The following DONSON variants were observed in gnomAD, a reference collection of about 807,000 sequenced individuals.
The protein encoded by DONSON is protein downstream neighbor of Son.
Under a neutral mutation model 62.1 loss-of-function variants are expected in DONSON, and 43 were observed. That is an observed-to-expected ratio of 0.69 (90% CI 0.54 to 0.89). The LOEUF is 0.89. Among genes scored for constraint, DONSON ranks in the 40% least tolerant of loss-of-function variants. DONSON has a pLI of 0.00. For missense variants in DONSON, 696 were observed against 697.5 expected (o/e 1.00, Z 0.03); for synonymous variants, 266 against 264.6 (o/e 1.01, Z -0.05).
rs1362012092 is a variant in DONSON, at chr21:33,581,293, T to G, written c.1350+9A>C. On this transcript the variant is annotated intron_variant, in intron 8 of 9. Transcript: ENST00000303071. ...TTCTTAAAAGCTAGGTTATGCAGACTTTTATTACCTTAAGCATTTGCATTG... is the reference window on the plus strand; with the variant it reads ...TTCTTAAAAGCTAGGTTATGCAGACGTTTATTACCTTAAGCATTTGCATTG... 6.2e-7 allele frequency: 1 copy of G among 1,613,368 alleles called. No individual in the cohort carries two copies. Among genetic ancestry groups the G allele is most frequent in the Non-Finnish European group, 8.5e-7 (1 of 1,179,608 alleles).
At chr21:33,578,468 A>G in intron 9 of DONSON, 24 bp from the exon 10 acceptor site, 1 of 1,596,232 alleles carries the variant, frequency 6.3e-7, no homozygotes, top group African/African-American at 1.3e-5. Context: ...TGTACAAGTC[A>G]GTAAAAAGCA....
At chr21:33,588,263 G>A (rs1601319962) in intron 1 of DONSON, 58 bp downstream of exon 1, 12 of 1,188,104 alleles carry the variant, frequency 1.0e-5, no homozygotes, top group Non-Finnish European at 1.3e-5. Flanking sequence ...CCCATTCACA[G>A]CTGGCTCAAC....
rs71194853 is a variant in DONSON at position 33,577,604 on chromosome 21, T to TAC, written c.*701_*702dup. The TAC allele has an allele frequency of 3.6e-5, 3 of 84,448 alleles. No individual in the cohort carries two copies. The highest frequency in any genetic ancestry group is 1.3e-4 in the Admixed American group (1 of 7,596). 5.2% of individuals were successfully genotyped at this position (84,448 alleles called of 1,614,324 possible). A position where few individuals can be genotyped will look rare whatever the true frequency, so the allele number is the denominator to read the frequency against. ...AAATGTGAATTATACAGTCCCCCCCTACACACACACACACACACACACACA... is the reference window on the plus strand; with the variant it reads ...AAATGTGAATTATACAGTCCCCCCCTACACACACACACACACACACACACACA... On this transcript the variant is annotated 3_prime_UTR_variant, in exon 10 of 10. Coordinates refer to ENST00000303071, the MANE Select transcript of DONSON (RefSeq NM_017613.4).
At chr21:33,582,097 T>C in intron 6 of DONSON, 42 bp from the exon 7 acceptor site, 1 of 1,612,322 alleles carries the variant, frequency 6.2e-7, no homozygotes, top group Non-Finnish European at 8.5e-7. Flanking sequence ...TCACAAGCTG[T>C]TCCTGTGCAA....
chr21:33,580,873 C>A (rs2145901086), intron 8 of DONSON, among the ~76,000 whole-genome samples: 1 of 151,700 alleles, frequency 6.6e-6, no homozygotes, highest in South Asian at 2.1e-4. Context: ...GAGTGGGACT[C>A]CCTCTTAAAA....
In DONSON at chr21:33,577,768, A is replaced by G. The variant is rs1243019197; in HGVS notation, c.*539T>C. ...AGTGTACTTCACAATTCTTAACACT[A>G]TTCTATGTGGAATACAAAATGCCTT... is the stretch of plus-strand genomic sequence containing the variant. On this transcript the variant is annotated 3_prime_UTR_variant, in exon 10 of 10. Transcript: ENST00000303071. 6.5e-6 allele frequency: 1 copy of G among 152,776 alleles called. No individual in the cohort carries two copies. The allele number at this position is 152,776 out of a possible 1,614,324, so 9.5% of individuals were successfully genotyped here.
In DONSON at chr21:33,585,670, CTTCT is replaced by C. The variant is rs199603081; in HGVS notation, c.606+304_606+307del. Among the ~76,000 whole-genome samples, 784 of 151,996 alleles carry C rather than the reference CTTCT, an allele frequency of 5.2e-3. 4 individuals carry two copies. The highest frequency in any genetic ancestry group is 0.014 in the African/African-American group (584 of 41,378). On this transcript the variant is annotated intron_variant, in intron 3 of 9. Coordinates refer to ENST00000303071, the MANE Select transcript of DONSON (RefSeq NM_017613.4). ...TGCAATCCCACCCAATTGCTTTTCA[CTTCT>C]TTCTTTGTATTTTCTTTCTCAAAAA... is the stretch of plus-strand genomic sequence containing the variant.
rs1307753258 is a variant in DONSON, at chr21:33,582,186, C to G, written c.1025G>C (p.Gly342Ala). The part of the protein sequence containing the change: ...ESGHKKETAS[G>A]TSLGYGEEQA... ...ATACTCCCCATATCCCAAGCTTGTT[C>G]CAGATGCTGTCTCCTTCTTATGGCC... The change falls in exon 6 of 10, where the codon GGA (glycine) becomes GCA (alanine). Residue 342 changes from glycine to alanine, a missense_variant. Coordinates refer to ENST00000303071, the MANE Select transcript of DONSON (RefSeq NM_017613.4). 1 of 1,613,894 alleles carries G rather than the reference C, an allele frequency of 6.2e-7. No individual in the cohort carries two copies.
intron 5 of DONSON, among the ~76,000 whole-genome samples, 175 bp downstream of exon 5, chr21:33,583,313 G>A (rs759664292): frequency 4.0e-5 from 6 of 151,044 alleles, no homozygotes; most frequent in South Asian, 2.1e-4. Flanking sequence ...AAAAGTTTGC[G>A]GACTGCTGGA....
intron 9 of DONSON, among the ~76,000 whole-genome samples, chr21:33,578,990 T>C (rs996585067): frequency 5.9e-5 from 9 of 151,992 alleles, no homozygotes; most frequent in Admixed American, 5.2e-4. Context: ...ATACAAAAAA[T>C]AGCCAGATGT....
chr21:33,587,774 T>C, intron 1 of DONSON, among the ~76,000 whole-genome samples, 172 bp from the exon 2 acceptor site: 1 of 152,182 alleles, frequency 6.6e-6, no homozygotes, highest in East Asian at 1.9e-4. Context: ...GTCTGAACTT[T>C]AGTATCAAAA....
Position 33,579,519 on chromosome 21 carries a change from C to G in DONSON, c.1394G>C (p.Arg465Thr), listed in dbSNP as rs1569074441. The change falls in exon 9 of 10, where the codon AGA becomes ACA. Residue 465 changes from arginine (R) to threonine (T), a missense_variant. Coordinates refer to ENST00000303071, the MANE Select transcript of DONSON (RefSeq NM_017613.4). Reference sequence around the variant, plus strand: ...TGTAATCTCCAAACTAAATTGGTCTCTGTATCCAGAAAGAGCTTGTGTCTT... The same window carrying G: ...TGTAATCTCCAAACTAAATTGGTCTGTGTATCCAGAAAGAGCTTGTGTCTT... ...NVKTQALSGYRDQFSLEITGP... is the reference protein window; with the variant it reads ...NVKTQALSGYTDQFSLEITGP... 3 of 1,614,198 alleles carry G rather than the reference C, an allele frequency of 1.9e-6. No homozygotes were observed. In the South Asian group the frequency reaches 3.3e-5, roughly 18 times the overall value.
At position 33,581,457 on chromosome 21, in the gene DONSON, A is replaced by G. The variant is rs2086510390; in HGVS notation, c.1195T>C (p.Ser399Pro). The stretch of plus-strand genomic sequence containing the variant: ...TTGATTCCTTTTACCAACACAACAG[A>G]TTCAGGTCTGTGATCCATTTGTACT... ...HEVQMDHRPESVVLVKGINTF... is the reference protein window; with the variant it reads ...HEVQMDHRPEPVVLVKGINTF... The change falls in exon 8 of 10, where the codon TCT becomes CCT. Residue 399 changes from serine (S) to proline (P), a missense_variant. Coordinates refer to ENST00000303071, the MANE Select transcript of DONSON (RefSeq NM_017613.4). 6.2e-7 allele frequency: 1 copy of G among 1,613,890 alleles called. No individual in the cohort carries two copies. The highest frequency in any genetic ancestry group is 8.5e-7 in the Non-Finnish European group (1 of 1,179,918).
At chr21:33,584,199 C>A (rs964206432) in intron 4 of DONSON, among the ~76,000 whole-genome samples, 1 of 151,412 alleles carries the variant, frequency 6.6e-6, no homozygotes, top group Non-Finnish European at 1.5e-5. Flanking sequence ...CACCCGCCAC[C>A]ACACCAGGCT....
In DONSON at chr21:33,583,699, T is replaced by C. The variant is rs192585552; in HGVS notation, c.786-33A>G. On this transcript the variant is annotated intron_variant, in intron 4 of 9. Transcript: ENST00000303071. Reference sequence around the variant, plus strand: ...GTAAAAAAATTTTCTTAAGGTATTATTAAACATTTAATGCAATGTTTATAA... The same window carrying C: ...GTAAAAAAATTTTCTTAAGGTATTACTAAACATTTAATGCAATGTTTATAA... 943 of 1,486,128 alleles carry C rather than the reference T, an allele frequency of 6.3e-4. 1 individual carries two copies. The highest frequency in any genetic ancestry group is 2.3e-3 in the Middle Eastern group (13 of 5,624). The allele number at this position is 1,486,128 out of a possible 1,614,324, so 92.1% of individuals were successfully genotyped here.
In DONSON at chr21:33,578,204, T is replaced by C. The variant is rs921223944; in HGVS notation, c.*103A>G. Reference sequence around the variant, plus strand: ...TTAGATGCTACTGTAGTAAAAGTTATGTTTATAAACATTTCAGTATATTCC... The same window carrying C: ...TTAGATGCTACTGTAGTAAAAGTTACGTTTATAAACATTTCAGTATATTCC... On this transcript the variant is annotated 3_prime_UTR_variant, in exon 10 of 10. Coordinates refer to ENST00000303071, the MANE Select transcript of DONSON (RefSeq NM_017613.4). 12 of 1,276,506 alleles carry C rather than the reference T, an allele frequency of 9.4e-6. No individual in the cohort carries two copies. The highest frequency in any genetic ancestry group is 2.4e-5 in the East Asian group (1 of 42,456). The allele number at this position is 1,276,506 out of a possible 1,614,324, so 79.1% of individuals were successfully genotyped here. A position where few individuals can be genotyped will look rare whatever the true frequency, so the allele number is the denominator to read the frequency against.
At chr21:33,588,116 G>A (rs1197836830) in intron 1 of DONSON, among the ~76,000 whole-genome samples, 1 of 152,220 alleles carries the variant, frequency 6.6e-6, no homozygotes, top group Non-Finnish European at 1.5e-5. Flanking sequence ...GCCCGCAGCG[G>A]GGTAGCCAGG....
In DONSON at chr21:33,586,160, C is replaced by T. The variant is rs1228271210; in HGVS notation, c.424G>A (p.Glu142Lys). The part of the protein sequence containing the change: ...LPQTSHVSFS[E>K]PDIPSSKSTE... The stretch of plus-strand genomic sequence containing the variant: ...CTTTTTGAGGACGGAATATCAGGCT[C>T]GGAGAATGATACATGTGAAGTCTTT... The change falls in exon 3 of 10, where the codon GAG (glutamate) becomes AAG (lysine). Residue 142 changes from glutamate to lysine, a missense_variant. Transcript: ENST00000303071. 8.1e-6 allele frequency: 13 copies of T among 1,613,776 alleles called. No homozygotes were observed. Among genetic ancestry groups the T allele is most frequent in the African/African-American group, 4.0e-5 (3 of 74,814 alleles).
At position 33,584,518 on chromosome 21, in the gene DONSON, C is replaced by T. The variant is rs141953568; in HGVS notation, c.785+72G>A. 28 of 1,411,452 alleles carry T rather than the reference C, an allele frequency of 2.0e-5. 1 individual carries two copies. The East Asian group carries it at 6.4e-4, about 32-fold the overall frequency. The allele number at this position is 1,411,452 out of a possible 1,614,324, so 87.4% of individuals were successfully genotyped here. A position where few individuals can be genotyped will look rare whatever the true frequency, so the allele number is the denominator to read the frequency against. ...CTTCTGCCATTAACGTATCCAGTCA[C>T]AAATATGATAGAGAATGCTGCTAAA... On this transcript the variant is annotated intron_variant, in intron 4 of 9. Coordinates refer to ENST00000303071, the MANE Select transcript of DONSON (RefSeq NM_017613.4).
Sources: gnomAD v4.1 joint callset for allele counts (sites outside exome capture counted in the v4.1 genomes callset) on GRCh38, gnomAD v4.1.1 for gene constraint, MANE v1.5 for transcripts, NCBI Gene and HGNC (gene_info 2026-07-23, HGNC 2026-07-21) for gene names.